Variants in GRM7 observed in about 807,000 individuals in gnomAD.
GRM7 encodes metabotropic glutamate receptor 7.
Under a neutral mutation model 84.5 loss-of-function variants are expected in GRM7, and 35 were observed. That is an observed-to-expected ratio of 0.41 (90% CI 0.32 to 0.55). GRM7 has a LOEUF of 0.55. Among genes scored for constraint, GRM7 ranks in the 20% least tolerant of loss-of-function variants. The pLI is 0.19. For missense variants in GRM7, 1,003 were observed against 1,194.6 expected (o/e 0.84, Z 2.36); for synonymous variants, 487 against 455.1 (o/e 1.07, Z -0.89).
intron 1 of GRM7, among the ~76,000 whole-genome samples, chr3:6,901,326 G>A (rs531325120): frequency 5.1e-4 from 78 of 152,174 alleles, no homozygotes; most frequent in East Asian, 1.2e-3. Context: ...TAGGCTGGGC[G>A]CAGTGGCTCA....
intron 1 of GRM7, among the ~76,000 whole-genome samples, chr3:7,099,324 T>C (rs1390144732): frequency 6.8e-6 from 1 of 146,974 alleles, no homozygotes; most frequent in South Asian, 2.1e-4. Flanking sequence ...TACATGTATA[T>C]ATGTACACAT....
At chr3:7,507,267 G>T (rs987993748) in intron 7 of GRM7, among the ~76,000 whole-genome samples, 9 of 152,150 alleles carry the variant, frequency 5.9e-5, no homozygotes, top group African/African-American at 2.2e-4. Context: ...GGAAAGAGGA[G>T]CCACAGCAGT....
intron 8 of GRM7, among the ~76,000 whole-genome samples, chr3:7,593,137 A>G (rs1399003628): frequency 1.3e-5 from 2 of 152,204 alleles, no homozygotes; most frequent in South Asian, 2.1e-4. Flanking sequence ...TTAAAATACT[A>G]TTTTGATGAG....
At chr3:6,909,432 C>G (rs929917340) in intron 1 of GRM7, among the ~76,000 whole-genome samples, 7 of 152,104 alleles carry the variant, frequency 4.6e-5, no homozygotes, top group African/African-American at 1.4e-4. Context: ...TAAGTTAAAT[C>G]TTCCCCTATA....
intron 5 of GRM7, among the ~76,000 whole-genome samples, chr3:7,435,124 G>A (rs1696989230): frequency 6.6e-6 from 1 of 151,100 alleles, no homozygotes; most frequent in Admixed American, 6.6e-5. Flanking sequence ...AGTGTCTGTT[G>A]CATCTGTAGT....
At chr3:6,869,425 G>A (rs1353630003) in intron 1 of GRM7, among the ~76,000 whole-genome samples, 1 of 152,070 alleles carries the variant, frequency 6.6e-6, no homozygotes, top group African/African-American at 2.4e-5. Context: ...TTATCAGATG[G>A]ACATTAAGTG....
chr3:7,736,393 G>C (rs1702501251), intron 9 of GRM7, among the ~76,000 whole-genome samples: 1 of 152,148 alleles, frequency 6.6e-6, no homozygotes, highest in South Asian at 2.1e-4. Flanking sequence ...TTAGAAAGCA[G>C]AGTCTATCAA....
Position 7,554,656 on chromosome 3 carries a change from G to T in GRM7, c.1516-23766G>T, listed in dbSNP as rs71308557. 5.3e-5 allele frequency among the ~76,000 whole-genome samples: 8 copies of T among 152,290 alleles called. No homozygotes were observed. In the South Asian group the frequency reaches 1.7e-3, roughly 32 times the overall value. ...GTGTGGGCAGACAGTAGGGATTGGG[G>T]TTGGTGTGAGGATGGTAGGTCCTGG... On this transcript the variant is annotated intron_variant, in intron 7 of 9. Coordinates refer to ENST00000357716, the MANE Select transcript of GRM7 (RefSeq NM_000844.4).
chr3:7,482,440 G>T (rs563246082), intron 7 of GRM7, among the ~76,000 whole-genome samples: 2 of 152,252 alleles, frequency 1.3e-5, no homozygotes, highest in East Asian at 3.9e-4. Context: ...TCCCATTAAG[G>T]TACCAGTAAT....
chr3:7,713,391 G>A (rs1050731860), intron 9 of GRM7, among the ~76,000 whole-genome samples: 3 of 151,948 alleles, frequency 2.0e-5, no homozygotes, highest in Non-Finnish European at 4.4e-5. Context: ...ACCCGCCTCA[G>A]TCTCCCAAAG....
chr3:7,093,104 A>G (rs1698726982), intron 1 of GRM7, among the ~76,000 whole-genome samples: 1 of 152,094 alleles, frequency 6.6e-6, no homozygotes. Context: ...ACAACAATAA[A>G]AAGGAAATTA....
At chr3:7,124,106 G>A (rs1489302589) in intron 1 of GRM7, among the ~76,000 whole-genome samples, 1 of 152,054 alleles carries the variant, frequency 6.6e-6, no homozygotes, top group African/African-American at 2.4e-5. Context: ...CATCTTTGAT[G>A]GAACTGTAAC....
intron 1 of GRM7, among the ~76,000 whole-genome samples, chr3:7,005,138 C>T (rs985761409): frequency 5.9e-5 from 9 of 152,148 alleles, no homozygotes; most frequent in Admixed American, 5.9e-4. Context: ...ACAAGTCACG[C>T]GTCAAGGTGG....
At chr3:7,714,635 T>A (rs1701710197) in intron 9 of GRM7, among the ~76,000 whole-genome samples, 1 of 150,714 alleles carries the variant, frequency 6.6e-6, no homozygotes, top group South Asian at 2.1e-4. Context: ...GGCACAAGTT[T>A]GCTCTCCCAA....
chr3:7,292,868 T>C (rs543129330), intron 2 of GRM7, among the ~76,000 whole-genome samples: 2 of 151,814 alleles, frequency 1.3e-5, no homozygotes, highest in African/African-American at 4.8e-5. Context: ...CCCCCATCTC[T>C]ACTAAAAATA....
chr3:7,601,921 A>T (rs1304965961), intron 8 of GRM7, among the ~76,000 whole-genome samples: 2 of 152,018 alleles, frequency 1.3e-5, no homozygotes, highest in African/African-American at 4.8e-5. Flanking sequence ...GATAGGACTA[A>T]TCAATCAGTG....
chr3:7,448,774 C>A (rs1283392057), intron 5 of GRM7, among the ~76,000 whole-genome samples: 1 of 151,858 alleles, frequency 6.6e-6, no homozygotes, highest in East Asian at 1.9e-4. Context: ...ATAAAGCCTG[C>A]AATGTTTCAC....
chr3:6,987,402 A>T (rs554590257), intron 1 of GRM7, among the ~76,000 whole-genome samples: 1,842 of 151,628 alleles, frequency 0.012, 37 homozygotes, highest in African/African-American at 0.042. Flanking sequence ...TGAAGGACAA[A>T]AAAAAAAAAA....
At chr3:7,122,391 T>C (rs1435904336) in intron 1 of GRM7, among the ~76,000 whole-genome samples, 2 of 152,176 alleles carry the variant, frequency 1.3e-5, no homozygotes, top group Non-Finnish European at 2.9e-5. Flanking sequence ...TAATGAGAAC[T>C]GTATGTAATA....
Sources: gnomAD v4.1 joint callset for allele counts (sites outside exome capture counted in the v4.1 genomes callset) on GRCh38, gnomAD v4.1.1 for gene constraint, MANE v1.5 for transcripts, NCBI Gene and HGNC (gene_info 2026-07-23, HGNC 2026-07-21) for gene names.